CCSER1: variants seen among roughly 807,000 people sequenced by gnomAD.
The protein encoded by CCSER1 is serine-rich coiled-coil domain-containing protein 1.
CCSER1 carries 41 observed loss-of-function variants against 82.0 expected under a neutral mutation model. The observed-to-expected ratio is 0.50, with a 90% CI of 0.39 to 0.65. The LOEUF (loss-of-function observed/expected upper bound fraction) is 0.65. Ranked by LOEUF, CCSER1 falls within the 30% of genes least tolerant of loss-of-function variation. The pLI, the probability that CCSER1 is intolerant of heterozygous loss-of-function variation, is 0.00. For missense variants in CCSER1, 1,119 were observed against 1,064.2 expected (o/e 1.05, Z -0.72); for synonymous variants, 414 against 383.9 (o/e 1.08, Z -0.92).
rs535090551 is a variant in CCSER1 at position 90,532,861 on chromosome 4, T to A, written c.1724+64507T>A. Among the ~76,000 whole-genome samples the A allele has an allele frequency of 1.6e-4, 25 of 152,256 alleles. No individual in the cohort carries two copies. The East Asian group carries it at 1.9e-3, about 12-fold the overall frequency. ...AGCTTCCTCCTCTACTTCTCCCAAG[T>A]ATCTATCTTGGCTTTTTTGTATTCT... On this transcript the variant is annotated intron_variant, in intron 5 of 10. Coordinates refer to ENST00000509176, the MANE Select transcript of CCSER1 (RefSeq NM_001145065.2).
chr4:90,708,719 G>T (rs1196772744), intron 6 of CCSER1, among the ~76,000 whole-genome samples: 2 of 152,082 alleles, frequency 1.3e-5, no homozygotes, highest in Non-Finnish European at 2.9e-5. Context: ...AGTGGTTCTT[G>T]TGGGCTGATT....
intron 6 of CCSER1, among the ~76,000 whole-genome samples, chr4:90,723,639 C>G (rs17243751): frequency 0.18 from 27,968 of 151,338 alleles, 3,268 homozygotes; most frequent in South Asian, 0.27. Flanking sequence ...ATAATAAATA[C>G]CACCCTAACA....
At chr4:90,299,950 T>A (rs1412129118) in intron 1 of CCSER1, among the ~76,000 whole-genome samples, 1 of 152,154 alleles carries the variant, frequency 6.6e-6, no homozygotes, top group African/African-American at 2.4e-5. Flanking sequence ...ATGTTAAAAT[T>A]ATTACCTAGG....
intron 10 of CCSER1, among the ~76,000 whole-genome samples, chr4:91,238,405 G>A (rs1027797235): frequency 1.3e-5 from 2 of 152,182 alleles, no homozygotes; most frequent in African/African-American, 4.8e-5. Flanking sequence ...GGATGTAAAT[G>A]CACTTGGCTG....
At chr4:90,303,761 A>G (rs904138888) in intron 1 of CCSER1, among the ~76,000 whole-genome samples, 3 of 152,312 alleles carry the variant, frequency 2.0e-5, no homozygotes, top group Non-Finnish European at 4.4e-5. Flanking sequence ...CATGTCTAAA[A>G]CACCAAAAAC....
intron 6 of CCSER1, among the ~76,000 whole-genome samples, chr4:90,691,598 TG>T (rs1021199279): frequency 1.4e-5 from 2 of 147,606 alleles, no homozygotes; most frequent in Non-Finnish European, 3.0e-5. Context: ...ATATATCACA[TG>T]TGTATATATC....
In CCSER1 at chr4:90,468,371, A is replaced by G; in HGVS notation, c.1724+17A>G. ...TTCCAAACAGTGAGTTGTTCATTTAATTTTTCAAGGCCTTGTAAAATCAAT... is the reference window on the plus strand; with the variant it reads ...TTCCAAACAGTGAGTTGTTCATTTAGTTTTTCAAGGCCTTGTAAAATCAAT... On this transcript the variant is annotated intron_variant, in intron 5 of 10. Coordinates refer to ENST00000509176, the MANE Select transcript of CCSER1 (RefSeq NM_001145065.2). 2 of 1,595,908 alleles carry G rather than the reference A, an allele frequency of 1.3e-6. No individual in the cohort carries two copies. Among genetic ancestry groups the G allele is most frequent in the African/African-American group, 1.3e-5 (1 of 74,626 alleles).
intron 3 of CCSER1, among the ~76,000 whole-genome samples, chr4:90,399,167 A>G (rs1281945019): frequency 1.3e-5 from 2 of 152,060 alleles, no homozygotes; most frequent in Non-Finnish European, 1.5e-5. Flanking sequence ...CCATTTATAT[A>G]TATACAAATA....
chr4:91,577,707 G>T (rs1002430107), intron 10 of CCSER1, among the ~76,000 whole-genome samples: 1 of 152,006 alleles, frequency 6.6e-6, no homozygotes, highest in African/African-American at 2.4e-5. Context: ...AATGCTAAGA[G>T]TCCCTAAGCT....
chr4:91,253,868 G>T (rs1323237475), intron 10 of CCSER1, among the ~76,000 whole-genome samples: 1 of 152,028 alleles, frequency 6.6e-6, no homozygotes, highest in Non-Finnish European at 1.5e-5. Context: ...GTGGGGGGAG[G>T]TGCTACACAC....
At chr4:90,990,428 A>G (rs1164073981) in intron 9 of CCSER1, among the ~76,000 whole-genome samples, 2 of 151,970 alleles carry the variant, frequency 1.3e-5, no homozygotes, top group Non-Finnish European at 2.9e-5. Context: ...ATCTTCCTTG[A>G]TCTGGATATT....
intron 4 of CCSER1, among the ~76,000 whole-genome samples, chr4:90,403,756 A>G (rs966782418): frequency 1.3e-5 from 2 of 152,172 alleles, no homozygotes; most frequent in African/African-American, 4.8e-5. Context: ...ACAGAGTCTT[A>G]TTATGGTAGT....
intron 10 of CCSER1, among the ~76,000 whole-genome samples, chr4:91,275,260 TAA>T (rs1742334217): frequency 6.6e-6 from 1 of 152,192 alleles, no homozygotes. Flanking sequence ...CCACAATGTA[TAA>T]GAGTTCCCTT....
intron 10 of CCSER1, among the ~76,000 whole-genome samples, chr4:91,565,349 G>T (rs777880384): frequency 1.3e-5 from 2 of 152,080 alleles, no homozygotes; most frequent in Non-Finnish European, 2.9e-5. Context: ...CTCCAGCTTT[G>T]TTCTTTTTGT....
At chr4:91,450,115 A>ATTG (rs34170821) in intron 10 of CCSER1, among the ~76,000 whole-genome samples, 123,509 of 151,670 alleles carry the variant, frequency 0.81, 50,582 homozygotes, top group East Asian at 0.92. Context: ...ATGGCTGGAG[A>ATTG]TTTGTTTTTA....
chr4:91,045,172 T>C (rs1302132584), intron 9 of CCSER1, among the ~76,000 whole-genome samples: 2 of 152,206 alleles, frequency 1.3e-5, no homozygotes, highest in Non-Finnish European at 2.9e-5. Context: ...GAAATTATTT[T>C]ACCACTTGTA....
chr4:90,317,543 A>T (rs1461007486), intron 3 of CCSER1, among the ~76,000 whole-genome samples: 1 of 152,166 alleles, frequency 6.6e-6, no homozygotes, highest in Non-Finnish European at 1.5e-5. Context: ...AATTGCCTGA[A>T]CCTGGGAGGT....
chr4:90,930,442 A>AT (rs111241179), intron 9 of CCSER1, among the ~76,000 whole-genome samples: 1 of 150,812 alleles, frequency 6.6e-6, no homozygotes, highest in South Asian at 2.1e-4. Flanking sequence ...TCTACTAAAA[A>AT]TTTAAAAAAA....
chr4:90,334,114 C>T (rs1242447690), intron 3 of CCSER1, among the ~76,000 whole-genome samples: 1 of 152,020 alleles, frequency 6.6e-6, no homozygotes, highest in Admixed American at 6.6e-5. Flanking sequence ...CAAGAGAAAC[C>T]AAGAGAACAG....
Sources: allele counts gnomAD v4.1 joint callset (sites outside exome capture counted in the v4.1 genomes callset), GRCh38; gene constraint gnomAD v4.1.1; transcripts MANE v1.5; gene names NCBI Gene and HGNC (gene_info 2026-07-23, HGNC 2026-07-21).